The following MNAT1 variants were observed in gnomAD, a reference collection of about 807,000 sequenced individuals.
MNAT1 encodes the protein MNAT1 component of CDK activating kinase.
MNAT1 carries 43 observed loss-of-function variants against 42.0 expected under a neutral mutation model. The observed-to-expected ratio is 1.02, with a 90% confidence interval of 0.80 to 1.32. The LOEUF is 1.32. MNAT1 is among the 40% of genes most tolerant of loss of function. MNAT1 has a pLI of 0.00. For missense variants in MNAT1, 306 were observed against 350.4 expected (o/e 0.87, Z 1.01); for synonymous variants, 118 against 120.0 (o/e 0.98, Z 0.11).
intron 1 of MNAT1, among the ~76,000 whole-genome samples, chr14:60,745,730 C>T (rs377099189): frequency 6.6e-6 from 1 of 152,120 alleles, no homozygotes. Flanking sequence ...GCGCCCGGCC[C>T]CTGTTTATTT....
intron 5 of MNAT1, among the ~76,000 whole-genome samples, chr14:60,814,613 A>C (rs571513825): frequency 1.3e-5 from 2 of 152,288 alleles, no homozygotes; most frequent in African/African-American, 4.8e-5. Context: ...AAAGCATTTA[A>C]GTCAGTTAAC....
At chr14:60,894,209 AG>A (rs1247587657) in intron 7 of MNAT1, among the ~76,000 whole-genome samples, 1 of 151,422 alleles carries the variant, frequency 6.6e-6, no homozygotes, top group African/African-American at 2.4e-5. Context: ...GAATGCGGGC[AG>A]TAGGTTTTCT....
Position 60,808,320 on chromosome 14 carries a change from T to C in MNAT1, c.317-5T>C, listed in dbSNP as rs1048857799. 1 of 1,539,544 alleles carries C rather than the reference T, an allele frequency of 6.5e-7. No homozygotes were observed. Among genetic ancestry groups the C allele is most frequent in the East Asian group, 2.3e-5 (1 of 42,746 alleles). ...TTTCATGTCATCGTTTCCTTTCTAA[T>C]GCAGTTTTCAACTTGACCAACAATG... is the stretch of plus-strand genomic sequence containing the variant. On this transcript the variant is annotated splice_polypyrimidine_tract_variant and splice_region_variant and intron_variant, in intron 3 of 7. Transcript: ENST00000261245.
rs569077180 is a variant in MNAT1 at position 60,857,283 on chromosome 14, C to G, written c.688-22431C>G. Among the ~76,000 whole-genome samples the G allele has an allele frequency of 4.6e-5, 7 of 152,280 alleles. 2 individuals are homozygous for G. The South Asian group carries it at 1.5e-3, about 32-fold the overall frequency. On this transcript the variant is annotated intron_variant, in intron 6 of 7. Transcript: ENST00000261245. ...TTGGAAGTTTCGGAAGAAGTTAATT[C>G]CAACCCCCATGGAAGGACTTTGAGC...
At chr14:60,925,798 A>T (rs1395528679) in intron 7 of MNAT1, among the ~76,000 whole-genome samples, 4 of 152,046 alleles carry the variant, frequency 2.6e-5, no homozygotes, top group African/African-American at 4.8e-5. Context: ...GGCTTCTTTC[A>T]TGTTTTTGAG....
intron 1 of MNAT1, among the ~76,000 whole-genome samples, chr14:60,749,892 G>GT (rs1370637973): frequency 6.6e-6 from 1 of 152,118 alleles, no homozygotes. Context: ...TAAGACAACA[G>GT]TAATTTACTA....
intron 7 of MNAT1, among the ~76,000 whole-genome samples, chr14:60,890,227 T>G (rs1360276447): frequency 6.6e-6 from 1 of 152,196 alleles, no homozygotes; most frequent in African/African-American, 2.4e-5. Context: ...ATAGAGCGGA[T>G]TAAGAAAATG....
At chr14:60,743,346 T>C (rs1412059704) in intron 1 of MNAT1, among the ~76,000 whole-genome samples, 1 of 152,054 alleles carries the variant, frequency 6.6e-6, no homozygotes, top group African/African-American at 2.4e-5. Context: ...TGGAGTACAA[T>C]GGCACAATCT....
chr14:60,883,898 AT>A (rs1267622490), intron 7 of MNAT1, among the ~76,000 whole-genome samples: 5 of 152,042 alleles, frequency 3.3e-5, no homozygotes, highest in African/African-American at 1.2e-4. Flanking sequence ...AATGCTGCTG[AT>A]TTTTGTGTGC....
chr14:60,887,835 C>T (rs1051266263), intron 7 of MNAT1, among the ~76,000 whole-genome samples: 8 of 151,956 alleles, frequency 5.3e-5, no homozygotes, highest in Admixed American at 2.0e-4. Context: ...TGCAAATAAA[C>T]TAGAAAATCT....
chr14:60,782,045 C>G (rs1594749773), intron 1 of MNAT1, among the ~76,000 whole-genome samples: 1 of 150,450 alleles, frequency 6.6e-6, no homozygotes, highest in African/African-American at 2.4e-5. Context: ...GTACATGAAT[C>G]CATAGACATC....
chr14:60,861,205 G>A (rs1594810899), intron 6 of MNAT1, among the ~76,000 whole-genome samples: 1 of 152,012 alleles, frequency 6.6e-6, no homozygotes, highest in East Asian at 1.9e-4. Context: ...ACACTTAAAA[G>A]TAATTGCTTT....
At chr14:60,910,996 T>A (rs2035341661) in intron 7 of MNAT1, among the ~76,000 whole-genome samples, 1 of 152,220 alleles carries the variant, frequency 6.6e-6, no homozygotes, top group South Asian at 2.1e-4. Flanking sequence ...TTGTCTCTAT[T>A]TCTGAGCCTG....
At chr14:60,828,283 A>G (rs915754446) in intron 6 of MNAT1, among the ~76,000 whole-genome samples, 1 of 152,196 alleles carries the variant, frequency 6.6e-6, no homozygotes, top group East Asian at 1.9e-4. Flanking sequence ...AAGTAATTTT[A>G]TAAAACTCTC....
intron 6 of MNAT1, among the ~76,000 whole-genome samples, chr14:60,878,047 T>C (rs139094897): frequency 3.4e-4 from 52 of 152,172 alleles, no homozygotes; most frequent in African/African-American, 1.2e-3. Context: ...CTTTCTTCCC[T>C]AATTTGAGCT....
chr14:60,840,061 TAGAA>T (rs946031123), intron 6 of MNAT1, among the ~76,000 whole-genome samples: 2 of 152,276 alleles, frequency 1.3e-5, no homozygotes, highest in African/African-American at 4.8e-5. Flanking sequence ...TGCGGATCCC[TAGAA>T]AGAAACTTAG....
chr14:60,768,856 C>T (rs931462305), intron 1 of MNAT1, among the ~76,000 whole-genome samples: 1 of 152,178 alleles, frequency 6.6e-6, no homozygotes, highest in African/African-American at 2.4e-5. Context: ...TTTGTATAAA[C>T]CCTTTTTGTT....
At position 60,946,336 on chromosome 14, in the gene MNAT1, C is replaced by T. The variant is rs1239954642; in HGVS notation, c.810-21893C>T. ...CTCTACTTCCTTATTTCTGATTCATCCACCAAACCTAGTGGAATTTGGCTT... is the reference window on the plus strand; with the variant it reads ...CTCTACTTCCTTATTTCTGATTCATTCACCAAACCTAGTGGAATTTGGCTT... On this transcript the variant is annotated intron_variant, in intron 7 of 7. Transcript: ENST00000261245. Among the ~76,000 whole-genome samples, 3 of 152,300 alleles carry T rather than the reference C, an allele frequency of 2.0e-5. No individual in the cohort carries two copies. The East Asian group carries it at 5.8e-4, about 29-fold the overall frequency.
At chr14:60,859,166 A>C (rs536002315) in intron 6 of MNAT1, among the ~76,000 whole-genome samples, 10 of 152,328 alleles carry the variant, frequency 6.6e-5, no homozygotes, top group Admixed American at 5.2e-4. Context: ...TCTGTCATTC[A>C]TGTAAGGTGT....
Sources: gnomAD v4.1 joint callset for allele counts (sites outside exome capture counted in the v4.1 genomes callset) on GRCh38, gnomAD v4.1.1 for gene constraint, MANE v1.5 for transcripts, NCBI Gene and HGNC (gene_info 2026-07-23, HGNC 2026-07-21) for gene names.